Variants in SLC9B1 observed in about 807,000 individuals in gnomAD.
SLC9B1 encodes the protein sodium/hydrogen exchanger 9B1.
A neutral mutation model predicts 51.7 loss-of-function variants in SLC9B1; 32 were observed. That is an observed-to-expected ratio of 0.62 (90% confidence interval 0.47 to 0.83). SLC9B1 has a LOEUF of 0.83. Among genes scored for constraint, SLC9B1 ranks in the 40% least tolerant of loss-of-function variants. The probability of loss-of-function intolerance (pLI) is 0.00; values close to 1 mark genes in which losing one functional copy is unlikely to be tolerated. For missense variants in SLC9B1, 406 were observed against 613.2 expected (o/e 0.66, Z 3.57); for synonymous variants, 145 against 212.7 (o/e 0.68, Z 2.77).
chr4:102,910,724 T>G (rs1391087619), intron 8 of SLC9B1, 136 bp from the exon 9 acceptor site: 4 of 408,252 alleles, frequency 9.8e-6, no homozygotes, highest in Non-Finnish European at 1.5e-5. Context: ...ATTTTGATTT[T>G]CTTTCTCACC....
chr4:102,887,455 C>G, intron 11 of SLC9B1: 1 of 931,182 alleles, frequency 1.1e-6, no homozygotes, highest in East Asian at 2.6e-5. Flanking sequence ...TTTTCTCATT[C>G]TTTGTGTATA....
chr4:102,911,482 C>T lies in SLC9B1; in HGVS notation c.885G>A (p.Leu295=), dbSNP rs752862786. ...ASIRNVCISL[L]AGIVLGFFVR... ...CAAAAAATCCCAAAACAATTCCTGC[C>T]AGCAGACTAATACATACGTTCCTTA... Residue 295 remains leucine, a synonymous_variant, in exon 8 of 12, where the codon CTG becomes CTA. Transcript: ENST00000296422. 2.2e-5 allele frequency: 35 copies of T among 1,596,994 alleles called. No homozygotes were observed. In the East Asian group the frequency reaches 7.8e-4, roughly 36 times the overall value.
intron 5 of SLC9B1, 149 bp from the exon 6 acceptor site, chr4:102,945,469 A>T (rs1737223210): frequency 1.5e-6 from 1 of 672,588 alleles, no homozygotes; most frequent in South Asian, 5.2e-5. Flanking sequence ...TGGACTTTGA[A>T]CTCTATTACA....
intron 1 of SLC9B1, among the ~76,000 whole-genome samples, chr4:102,994,813 T>A (rs1401032003): frequency 6.6e-5 from 10 of 152,134 alleles, no homozygotes. Context: ...TCAGATCTCA[T>A]GACGTGATCA....
At chr4:102,970,888 A>G (rs184210545) in intron 3 of SLC9B1, among the ~76,000 whole-genome samples, 1 of 152,346 alleles carries the variant, frequency 6.6e-6, no homozygotes, top group Admixed American at 6.5e-5. Flanking sequence ...AAAGAGACAA[A>G]GAAGGCCATT....
chr4:102,911,316 A>G, intron 8 of SLC9B1, 115 bp downstream of exon 8: 4 of 682,096 alleles, frequency 5.9e-6, no homozygotes, highest in Non-Finnish European at 9.7e-6. Context: ...TAGGCATTGG[A>G]GGCTAGTTTT....
At position 102,989,879 on chromosome 4, in the gene SLC9B1, T is replaced by G; in HGVS notation, c.132A>C (p.Glu44Asp). 1 of 1,601,144 alleles carries G rather than the reference T, an allele frequency of 6.2e-7. No individual in the cohort carries two copies. Among genetic ancestry groups the G allele is most frequent in the South Asian group, 1.1e-5 (1 of 90,094 alleles). Residue 44 changes from glutamate to aspartate, a missense_variant, in exon 3 of 12, where the codon GAA becomes GAC. Glu to Asp is a conservative substitution (Grantham distance 45, BLOSUM62 2). Around this residue, in one of 6 missense-constraint regions of SLC9B1, gnomAD observed 108 missense variants for 94.5 expected, o/e 1.14. Transcript: ENST00000296422. Reference protein sequence around the residue: ...EETKTVLSDTEEIKPQTKKET... With the variant: ...EETKTVLSDTDEIKPQTKKET... ...CCTTTTTTGTCTGTGGTTTTATTTC[T>G]TCTGTATCTGATAAGACAGTTTTAG...
At chr4:102,980,025 G>A (rs1327577916) in intron 3 of SLC9B1, among the ~76,000 whole-genome samples, 5 of 152,126 alleles carry the variant, frequency 3.3e-5, no homozygotes, top group Non-Finnish European at 5.9e-5. Context: ...TTAGAGAAAT[G>A]CAAATCAAAA....
chr4:102,887,032 G>A (rs1268964365), intron 11 of SLC9B1, among the ~76,000 whole-genome samples: 2 of 152,146 alleles, frequency 1.3e-5, no homozygotes, highest in South Asian at 2.1e-4. Context: ...AGGTGAGCTC[G>A]AATTTTAAGC....
chr4:102,992,614 G>C (rs1265304940), intron 1 of SLC9B1, among the ~76,000 whole-genome samples: 11 of 151,996 alleles, frequency 7.2e-5, no homozygotes, highest in Non-Finnish European at 1.5e-4. Context: ...ATCCTATAAA[G>C]AATCATAACT....
At chr4:102,991,767 T>C (rs1045150875) in intron 1 of SLC9B1, 55 bp from the exon 2 acceptor site, 34 of 1,270,658 alleles carry the variant, frequency 2.7e-5, no homozygotes, top group Non-Finnish European at 1.3e-5. Flanking sequence ...TAAATCCATA[T>C]GAAAACAAAC....
chr4:102,932,253 T>C lies in SLC9B1; in HGVS notation c.700A>G (p.Met234Val), dbSNP rs1482213686. 7 of 1,611,702 alleles carry C rather than the reference T, an allele frequency of 4.3e-6. No homozygotes were observed. The highest frequency in any genetic ancestry group is 2.7e-5 in the African/African-American group (2 of 74,814). ...CCATATCCATTTTCTTGCAGCACCA[T>C]CATGTAAGGGACAACAACAGCAGGA... is the stretch of plus-strand genomic sequence containing the variant. The part of the protein sequence containing the change: ...VSPAVVVPYM[M>V]VLQENGYGVE... The change falls in exon 7 of 12, where the codon ATG becomes GTG. Residue 234 changes from methionine to valine, a missense_variant. By Grantham distance (21) the Met-to-Val change is conservative. This residue lies in a region of SLC9B1 where 250 missense variants were observed against 394.1 expected (regional missense o/e 0.63). Transcript: ENST00000296422.
chr4:102,957,790 G>C (rs1737885637), intron 3 of SLC9B1, among the ~76,000 whole-genome samples: 1 of 152,060 alleles, frequency 6.6e-6, no homozygotes, highest in South Asian at 2.1e-4. Context: ...ATATGTGTGT[G>C]TGTGTGTGTG....
chr4:103,007,289 T>C (rs754551717), intron 1 of SLC9B1, among the ~76,000 whole-genome samples: 10 of 152,070 alleles, frequency 6.6e-5, no homozygotes, highest in Non-Finnish European at 1.3e-4. Flanking sequence ...GGATACAAAA[T>C]CAATGTACCA....
At chr4:102,909,862 T>C (rs1447155095) in intron 9 of SLC9B1, among the ~76,000 whole-genome samples, 1 of 152,092 alleles carries the variant, frequency 6.6e-6, no homozygotes, top group African/African-American at 2.4e-5. Context: ...TTGCACTTGT[T>C]GCCCAGGCTG....
intron 3 of SLC9B1, among the ~76,000 whole-genome samples, chr4:102,954,680 A>T (rs1438197664): frequency 2.6e-5 from 4 of 152,066 alleles, no homozygotes; most frequent in Middle Eastern, 3.2e-3. Flanking sequence ...AATACATTTA[A>T]GAACATATGC....
At chr4:102,943,350 T>A (rs1403807568) in intron 6 of SLC9B1, among the ~76,000 whole-genome samples, 1 of 151,918 alleles carries the variant, frequency 6.6e-6, no homozygotes, top group African/African-American at 2.4e-5. Context: ...GGAAAAGAAG[T>A]CATTATATGA....
At chr4:102,929,616 G>A (rs571150548) in intron 7 of SLC9B1, among the ~76,000 whole-genome samples, 1 of 152,132 alleles carries the variant, frequency 6.6e-6, no homozygotes, top group African/African-American at 2.4e-5. Context: ...TGCCTCTTGG[G>A]TTCAAGCAAT....
At chr4:103,015,279 AC>A (rs370609283) in intron 1 of SLC9B1, among the ~76,000 whole-genome samples, 9 of 147,842 alleles carry the variant, frequency 6.1e-5, no homozygotes, top group African/African-American at 1.3e-4. Flanking sequence ...GAATGTATGG[AC>A]CAAAAAAAAA....
Sources: allele counts gnomAD v4.1 joint callset (sites outside exome capture counted in the v4.1 genomes callset), GRCh38; gene constraint gnomAD v4.1.1; regional missense constraint gnomAD v4.1.1; transcripts MANE v1.5; gene names NCBI Gene and HGNC (gene_info 2026-07-23, HGNC 2026-07-21).